Variants in LEPR observed in about 807,000 individuals in gnomAD.
LEPR encodes the protein OB receptor.
In LEPR, 56 loss-of-function variants were observed where a neutral mutation model predicts 114.7. The observed-to-expected ratio is 0.49, with a 90% confidence interval of 0.39 to 0.61. The LOEUF is 0.61. LEPR is among the 20% of genes least tolerant of loss of function. The probability of loss-of-function intolerance (pLI) is 0.00; values close to 1 mark genes in which losing one functional copy is unlikely to be tolerated. For synonymous variants in LEPR, 443 were observed against 461.4 expected, an observed-to-expected ratio of 0.96 and a Z score of 0.51; for missense variants, 1,202 against 1,352.9, an observed-to-expected ratio of 0.89 and a Z score of 1.75.
chr1:65,544,779 T>C (rs1651532097), intron 2 of LEPR, among the ~76,000 whole-genome samples: 3 of 151,444 alleles, frequency 2.0e-5, no homozygotes, highest in African/African-American at 7.3e-5. Context: ...TGGTACAACA[T>C]TGATAAACTT....
At chr1:65,436,987 C>T (rs954066703) in intron 2 of LEPR, among the ~76,000 whole-genome samples, 1 of 152,148 alleles carries the variant, frequency 6.6e-6, no homozygotes, top group Non-Finnish European at 1.5e-5. Context: ...TTTCTTACAG[C>T]CTTCTCCTCA....
chr1:65,505,337 G>GA (rs957219991), intron 2 of LEPR, among the ~76,000 whole-genome samples: 1 of 151,566 alleles, frequency 6.6e-6, no homozygotes, highest in Non-Finnish European at 1.5e-5. Context: ...CAATTGAAAT[G>GA]AAAAAAAGAA....
intron 2 of LEPR, chr1:65,432,980 C>A (rs77709662): frequency 3.0e-6 from 3 of 985,386 alleles, no homozygotes; most frequent in Non-Finnish European, 3.6e-6. Context: ...CCCAAAAAAA[C>A]ATCTCAGTGG....
In LEPR at chr1:65,565,585, G is replaced by T; in HGVS notation, c.20G>T (p.Cys7Phe). ...AGTAAGATGATTTGTCAAAAATTCT[G>T]TGTGGTTTTGTTACATTGGGGTAAG... MICQKF[C>F]VVLLHWEFIY... The change falls in exon 3 of 20, where the codon TGT (cysteine) becomes TTT (phenylalanine). Residue 7 changes from cysteine (C) to phenylalanine (F), a missense_variant. Physicochemically the swap from Cys to Phe is radical, Grantham distance 205. Coordinates refer to ENST00000349533, the MANE Select transcript of LEPR (RefSeq NM_002303.6). 1.2e-6 allele frequency: 2 copies of T among 1,613,888 alleles called. No homozygotes were observed. The highest frequency in any genetic ancestry group is 1.7e-4 in the Middle Eastern group (1 of 6,058).
rs529205414 is a variant in LEPR at position 65,444,065 on chromosome 1, T to C, written c.-21+18687T>C. On this transcript the variant is annotated intron_variant, in intron 2 of 19. Transcript: ENST00000349533. Reference sequence around the variant, plus strand: ...CTGGTGCGCTGCACCCACTAATGTGTCATCTAGCATTAGGTATATCTCCCA... The same window carrying C: ...CTGGTGCGCTGCACCCACTAATGTGCCATCTAGCATTAGGTATATCTCCCA... Among the ~76,000 whole-genome samples, 504 of 59,724 alleles carry C rather than the reference T, an allele frequency of 8.4e-3. 116 individuals are homozygous for C. The highest frequency in any genetic ancestry group is 0.027 in the African/African-American group (491 of 18,234). 39.2% of individuals were successfully genotyped at this position (59,724 alleles called of 152,430 possible).
intron 2 of LEPR, among the ~76,000 whole-genome samples, chr1:65,530,378 G>A (rs1448279090): frequency 1.3e-5 from 2 of 152,178 alleles, no homozygotes; most frequent in Non-Finnish European, 2.9e-5. Context: ...TCTCATGCAA[G>A]AAAGAATTCA....
In LEPR at chr1:65,636,408, T is replaced by A; in HGVS notation, c.2891T>A (p.Phe964Tyr). 6.2e-7 allele frequency: 1 copy of A among 1,614,090 alleles called. No homozygotes were observed. The highest frequency in any genetic ancestry group is 8.5e-7 in the Non-Finnish European group (1 of 1,179,996). The change falls in exon 20 of 20, where the codon TTC becomes TAC. Residue 964 changes from phenylalanine (F) to tyrosine (Y), a missense_variant. Physicochemically the swap from Phe to Tyr is conservative, Grantham distance 22 (BLOSUM62 3). Coordinates refer to ENST00000349533, the MANE Select transcript of LEPR (RefSeq NM_002303.6). The part of the protein sequence containing the change: ...CISDQFNSVN[F>Y]SEAEGTEVTY... ...AGTGACCAGTTCAACAGTGTTAACTTCTCTGAGGCTGAGGGTACTGAGGTA... is the reference window on the plus strand; with the variant it reads ...AGTGACCAGTTCAACAGTGTTAACTACTCTGAGGCTGAGGGTACTGAGGTA...
intron 11 of LEPR, among the ~76,000 whole-genome samples, chr1:65,608,388 G>A (rs942001463): frequency 1.2e-4 from 18 of 151,950 alleles, no homozygotes; most frequent in Admixed American, 2.0e-4. Context: ...CCGCCACCAC[G>A]CGTGGCTAAT....
At chr1:65,504,364 T>C (rs1173375254) in intron 2 of LEPR, among the ~76,000 whole-genome samples, 1 of 152,108 alleles carries the variant, frequency 6.6e-6, no homozygotes, top group African/African-American at 2.4e-5. Context: ...AAGAGTAACT[T>C]TAAAGGGTGA....
intron 2 of LEPR, among the ~76,000 whole-genome samples, chr1:65,457,509 C>T (rs1646892672): frequency 6.6e-6 from 1 of 152,138 alleles, no homozygotes; most frequent in Non-Finnish European, 1.5e-5. Flanking sequence ...TTCTTCATGT[C>T]TATTACATGG....
intron 2 of LEPR, among the ~76,000 whole-genome samples, chr1:65,456,750 A>C (rs947750300): frequency 2.0e-5 from 3 of 152,164 alleles, no homozygotes; most frequent in African/African-American, 7.2e-5. Flanking sequence ...TGGTTTCTTC[A>C]TCCACTCCAA....
chr1:65,600,455 A>G (rs1340263906), intron 8 of LEPR, among the ~76,000 whole-genome samples: 1 of 152,220 alleles, frequency 6.6e-6, no homozygotes, highest in Admixed American at 6.5e-5. Context: ...AGAAAACTTA[A>G]TAAAAACCAA....
chr1:65,426,631 G>A (rs149083666), intron 2 of LEPR, among the ~76,000 whole-genome samples: 1,737 of 152,216 alleles, frequency 0.011, 18 homozygotes, highest in Non-Finnish European at 0.018. Context: ...TTTGTTCATC[G>A]ATGTCAGGAT....
chr1:65,519,339 T>C (rs1451786376), intron 2 of LEPR, among the ~76,000 whole-genome samples: 1 of 151,774 alleles, frequency 6.6e-6, no homozygotes, highest in Non-Finnish European at 1.5e-5. Flanking sequence ...CAGTAGAGAC[T>C]GGGTTTTGCC....
intron 5 of LEPR, among the ~76,000 whole-genome samples, chr1:65,592,023 G>A (rs1188771022): frequency 6.6e-6 from 1 of 151,604 alleles, no homozygotes; most frequent in African/African-American, 2.4e-5. Context: ...ATTTATTATA[G>A]TCCAAGAGAT....
rs1658712726 is a variant in LEPR, at chr1:65,636,174, T to C, written c.2674-17T>C. 3.1e-6 allele frequency: 5 copies of C among 1,613,534 alleles called. No homozygotes were observed. Among genetic ancestry groups the C allele is most frequent in the Non-Finnish European group, 4.2e-6 (5 of 1,179,736 alleles). On this transcript the variant is annotated splice_polypyrimidine_tract_variant and intron_variant, in intron 19 of 19. Coordinates refer to ENST00000349533, the MANE Select transcript of LEPR (RefSeq NM_002303.6). ...TTTTTAACATAATTGAGCCTTAAAA[T>C]GTGTCTTTTCTTTTAGCCAGAAACG...
intron 3 of LEPR, among the ~76,000 whole-genome samples, chr1:65,569,707 T>TAAAAA (rs199787348): frequency 2.2e-5 from 2 of 92,462 alleles, no homozygotes; most frequent in Admixed American, 1.2e-4. Context: ...AATTCCATCT[T>TAAAAA]AAAAAAAAAA....
Position 65,610,126 on chromosome 1 carries a change from A to G in LEPR, c.1912+20A>G, listed in dbSNP as rs778370696. The G allele has an allele frequency of 1.9e-6, 3 of 1,614,178 alleles. No individual in the cohort carries two copies. The East Asian group carries it at 6.7e-5, about 36-fold the overall frequency. ...TAAAAGGTCTGCAGAGATTTTGTAA[A>G]TGTGTTTTGAAAGTGCATAAGTGTG... On this transcript the variant is annotated intron_variant, in intron 13 of 19. Coordinates refer to ENST00000349533, the MANE Select transcript of LEPR (RefSeq NM_002303.6).
chr1:65,575,347 G>A (rs1192055745), intron 5 of LEPR, among the ~76,000 whole-genome samples: 1 of 147,290 alleles, frequency 6.8e-6, no homozygotes, highest in Admixed American at 6.7e-5. Context: ...TCACTTCATT[G>A]GCTCATTGGC....
Sources: allele counts gnomAD v4.1 joint callset (sites outside exome capture counted in the v4.1 genomes callset), GRCh38; gene constraint gnomAD v4.1.1; transcripts MANE v1.5; gene names NCBI Gene and HGNC (gene_info 2026-07-23, HGNC 2026-07-21).